The following ROR2 variants were observed in gnomAD, a reference collection of about 807,000 sequenced individuals.
ROR2 encodes ROR family WNT receptor 2.
A neutral mutation model predicts 74.9 loss-of-function variants in ROR2; 33 were observed. The observed-to-expected ratio is 0.44, with a 90% CI of 0.33 to 0.59. The LOEUF is 0.59. Ranked by LOEUF, ROR2 falls within the 20% of genes least tolerant of loss-of-function variation. The pLI is 0.02. For missense variants in ROR2, 1,216 were observed against 1,313.8 expected (o/e 0.93, Z 1.15); for synonymous variants, 586 against 558.7 (o/e 1.05, Z -0.69).
At chr9:91,937,327 T>C (rs1246955419) in intron 1 of ROR2, among the ~76,000 whole-genome samples, 1 of 152,024 alleles carries the variant, frequency 6.6e-6, no homozygotes, top group Non-Finnish European at 1.5e-5. Context: ...CAAATATTTG[T>C]AAAGCGCAGA....
At chr9:91,802,361 C>A (rs546864274) in intron 1 of ROR2, among the ~76,000 whole-genome samples, 1 of 152,098 alleles carries the variant, frequency 6.6e-6, no homozygotes, top group Non-Finnish European at 1.5e-5. Context: ...CAGGCGTGAG[C>A]CACCGCGCCT....
intron 1 of ROR2, among the ~76,000 whole-genome samples, chr9:91,926,003 G>A (rs970272334): frequency 6.6e-6 from 1 of 152,210 alleles, no homozygotes; most frequent in African/African-American, 2.4e-5. Context: ...CAGCACTCTG[G>A]GAGGCCGAGG....
intron 1 of ROR2, 101 bp downstream of exon 1, chr9:91,949,766 T>A (rs980742548): frequency 1.3e-6 from 1 of 785,958 alleles, no homozygotes; most frequent in African/African-American, 1.7e-5. Context: ...TTCAGGAGCA[T>A]GGGCGCCGGC....
intron 1 of ROR2, among the ~76,000 whole-genome samples, chr9:91,883,833 CA>C (rs1323952168): frequency 2.6e-5 from 4 of 152,180 alleles, no homozygotes; most frequent in Admixed American, 6.5e-5. Context: ...AAATCACCAC[CA>C]AAATCCCTTC....
chr9:91,874,737 A>T (rs1829907275), intron 1 of ROR2, among the ~76,000 whole-genome samples: 1 of 152,174 alleles, frequency 6.6e-6, no homozygotes, highest in Non-Finnish European at 1.5e-5. Flanking sequence ...CGAGTTTGAG[A>T]CGAGCCTGAC....
rs76603186 is a variant in ROR2 at position 91,731,598 on chromosome 9, G to A, written c.938-443C>T. Among the ~76,000 whole-genome samples the A allele has an allele frequency of 8.8e-3, 1,348 of 152,330 alleles. 19 individuals carry two copies. The highest frequency in any genetic ancestry group is 0.031 in the African/African-American group (1,278 of 41,572). ...CATGGAGGAACCCTGGGGTTGGGGT[G>A]TGCATTTGGTGAACATTTCTGTAGT... On this transcript the variant is annotated intron_variant, in intron 6 of 8. Transcript: ENST00000375708.
intron 1 of ROR2, among the ~76,000 whole-genome samples, chr9:91,777,898 C>T (rs879828050): frequency 2.0e-5 from 3 of 152,170 alleles, no homozygotes; most frequent in Non-Finnish European, 2.9e-5. Context: ...TGCTGTACCA[C>T]GGGATTAGTA....
intron 1 of ROR2, among the ~76,000 whole-genome samples, chr9:91,881,426 T>A (rs1353693141): frequency 6.6e-6 from 1 of 152,216 alleles, no homozygotes; most frequent in Non-Finnish European, 1.5e-5. Flanking sequence ...TACTGTATGC[T>A]GCAAGAACTT....
intron 1 of ROR2, among the ~76,000 whole-genome samples, chr9:91,944,333 T>C (rs1831956125): frequency 6.6e-6 from 1 of 152,240 alleles, no homozygotes; most frequent in Non-Finnish European, 1.5e-5. Context: ...GAAAACATCA[T>C]TATTTGGCCC....
chr9:91,911,933 CAA>C (rs747087662), intron 1 of ROR2, among the ~76,000 whole-genome samples: 6 of 76,380 alleles, frequency 7.9e-5, no homozygotes, highest in Admixed American at 1.5e-4. Flanking sequence ...TGAGTCTAAG[CAA>C]AAAAAAAAAA....
At chr9:91,843,704 CAG>C (rs1828847858) in intron 1 of ROR2, among the ~76,000 whole-genome samples, 1 of 152,252 alleles carries the variant, frequency 6.6e-6, no homozygotes. Context: ...ACAGGGAACA[CAG>C]GGGCAGCAGG....
intron 1 of ROR2, among the ~76,000 whole-genome samples, chr9:91,887,559 T>C (rs948639330): frequency 6.6e-6 from 1 of 152,214 alleles, no homozygotes; most frequent in Non-Finnish European, 1.5e-5. Flanking sequence ...TTGGGTTACT[T>C]GCAGTTTTTG....
At chr9:91,842,916 G>A (rs906631405) in intron 1 of ROR2, among the ~76,000 whole-genome samples, 1 of 152,244 alleles carries the variant, frequency 6.6e-6, no homozygotes, top group African/African-American at 2.4e-5. Context: ...CTCGAGCAGA[G>A]GTGAAAACAC....
chr9:91,812,061 C>A (rs996010768), intron 1 of ROR2, among the ~76,000 whole-genome samples: 112 of 133,246 alleles, frequency 8.4e-4, no homozygotes, highest in African/African-American at 9.7e-4. Flanking sequence ...TAAAAAAATG[C>A]AAAAAAAAAA....
At chr9:91,913,847 G>C (rs1831053840) in intron 1 of ROR2, among the ~76,000 whole-genome samples, 1 of 152,188 alleles carries the variant, frequency 6.6e-6, no homozygotes. Context: ...AATGGGGACA[G>C]AGTCTCAGTT....
At chr9:91,936,227 T>C (rs1464058021) in intron 1 of ROR2, among the ~76,000 whole-genome samples, 5 of 152,232 alleles carry the variant, frequency 3.3e-5, no homozygotes, top group Non-Finnish European at 5.9e-5. Context: ...GATGCGTGTG[T>C]TAGCCTCCTA....
In ROR2 at chr9:91,775,817, A is replaced by C. The variant is rs754060945; in HGVS notation, c.99T>G (p.Gly33=). 2.5e-6 allele frequency: 4 copies of C among 1,614,002 alleles called. No individual in the cohort carries two copies. Among genetic ancestry groups the C allele is most frequent in the Non-Finnish European group, 3.4e-6 (4 of 1,179,950 alleles). The change falls in exon 2 of 9, where the codon GGT becomes GGG. Residue 33 remains glycine (G), a splice_region_variant and synonymous_variant. Coordinates refer to ENST00000375708, the MANE Select transcript of ROR2 (RefSeq NM_004560.4). ...CGTTCGGATCCAGAACCTCCACTTC[A>C]CCTGGGAAAAAGAAACCAGGATAGG... The part of the protein sequence containing the change: ...ALLLSVSRTS[G]EVEVLDPNDP...
chr9:91,936,616 TTC>T (rs1162662018), intron 1 of ROR2, among the ~76,000 whole-genome samples: 1 of 152,204 alleles, frequency 6.6e-6, no homozygotes, highest in African/African-American at 2.4e-5. Flanking sequence ...CAGTGTGATA[TTC>T]TCTGTTAAAA....
chr9:91,772,475 T>C (rs1354326414), intron 2 of ROR2, among the ~76,000 whole-genome samples: 1 of 152,224 alleles, frequency 6.6e-6, no homozygotes, highest in Admixed American at 6.5e-5. Context: ...AAGCCACCAT[T>C]TATCCAGGCC....
Sources: gnomAD v4.1 joint callset for allele counts (sites outside exome capture counted in the v4.1 genomes callset) on GRCh38, gnomAD v4.1.1 for gene constraint, MANE v1.5 for transcripts, NCBI Gene and HGNC (gene_info 2026-07-23, HGNC 2026-07-21) for gene names.